The following ACSL5 variants were observed in gnomAD, a reference collection of about 807,000 sequenced individuals.
ACSL5 encodes the protein long-chain-fatty-acid--CoA ligase 5.
In ACSL5, 50 loss-of-function variants were observed where a neutral mutation model predicts 84.9. That is an observed-to-expected ratio of 0.59 (90% CI 0.47 to 0.75). The LOEUF (loss-of-function observed/expected upper bound fraction) is 0.75, where lower values mean the gene tolerates loss of function less well. Ranked by LOEUF, ACSL5 falls within the 30% of genes least tolerant of loss-of-function variation. The pLI, the probability that ACSL5 is intolerant of heterozygous loss-of-function variation, is 0.00. For missense variants in ACSL5, 775 were observed against 830.4 expected, an observed-to-expected ratio of 0.93 and a Z score of 0.82; for synonymous variants, 280 against 300.7, an observed-to-expected ratio of 0.93 and a Z score of 0.71.
intron 1 of ACSL5, among the ~76,000 whole-genome samples, chr10:112,382,480 T>C (rs1431291528): frequency 2.6e-5 from 4 of 152,114 alleles, no homozygotes; most frequent in African/African-American, 7.2e-5. Flanking sequence ...TGTGCATGAG[T>C]GCTCACAGCA....
At chr10:112,397,694 A>G (rs1843778561) in intron 2 of ACSL5, among the ~76,000 whole-genome samples, 1 of 152,200 alleles carries the variant, frequency 6.6e-6, no homozygotes. Flanking sequence ...TTAATACAGA[A>G]CTGGTTGCTT....
chr10:112,411,983 A>C lies in ACSL5; in HGVS notation c.948+4A>C, dbSNP rs538538213. 6.2e-7 allele frequency: 1 copy of C among 1,610,154 alleles called. No individual in the cohort carries two copies. The highest frequency in any genetic ancestry group is 8.5e-7 in the Non-Finnish European group (1 of 1,176,422). On this transcript the variant is annotated splice_donor_region_variant and intron_variant, in intron 11 of 20. Coordinates refer to ENST00000354655, the MANE Select transcript of ACSL5 (RefSeq NM_203379.2). ...TATGTTTGAGAGGATTGTACAGGTGAGTGTTCTGTGTTCCTAGCAGTATGT... is the reference window on the plus strand; with the variant it reads ...TATGTTTGAGAGGATTGTACAGGTGCGTGTTCTGTGTTCCTAGCAGTATGT...
At chr10:112,411,865 C>T in intron 10 of ACSL5, 37 bp from the exon 11 acceptor site, 1 of 1,570,276 alleles carries the variant, frequency 6.4e-7, no homozygotes. Flanking sequence ...TGGCATTAAT[C>T]TCATGTTGCC....
At chr10:112,419,526 T>TA in intron 14 of ACSL5, 1 of 152,192 alleles carries the variant, frequency 6.6e-6, no homozygotes, top group Admixed American at 6.5e-5. Flanking sequence ...GTTTGCATTA[T>TA]AAAACAGTTG....
At position 112,426,243 on chromosome 10, in the gene ACSL5, A is replaced by G. The variant is rs770140469; in HGVS notation, c.1738-15A>G. 1.9e-6 allele frequency: 3 copies of G among 1,608,732 alleles called. No homozygotes were observed. The highest frequency in any genetic ancestry group is 1.7e-5 in the Admixed American group (1 of 59,946). On this transcript the variant is annotated splice_polypyrimidine_tract_variant and intron_variant, in intron 18 of 20. Coordinates refer to ENST00000354655, the MANE Select transcript of ACSL5 (RefSeq NM_203379.2). The stretch of plus-strand genomic sequence containing the variant: ...CTTCTCTCATGCCCTTGCACCTTTT[A>G]TTTCCTTTCCATAGTCATCCTTAGT...
intron 5 of ACSL5, among the ~76,000 whole-genome samples, chr10:112,405,737 A>G (rs1034132117): frequency 6.6e-6 from 1 of 152,218 alleles, no homozygotes; most frequent in Admixed American, 6.5e-5. Flanking sequence ...AACTACTAAT[A>G]GCCTTCCTTT....
intron 1 of ACSL5, among the ~76,000 whole-genome samples, chr10:112,390,097 T>G (rs1849526926): frequency 8.9e-6 from 1 of 112,868 alleles, no homozygotes; most frequent in African/African-American, 3.1e-5. Context: ...AAAATAAAAA[T>G]AAAAAAGAGA....
intron 6 of ACSL5, chr10:112,408,889 C>A (rs1844114317): frequency 1.1e-5 from 2 of 186,904 alleles, no homozygotes; most frequent in Admixed American, 5.4e-5. Flanking sequence ...AAATCCAAGT[C>A]AATACAGTTA....
intron 11 of ACSL5, 43 bp from the exon 12 acceptor site, chr10:112,413,130 G>A: frequency 6.2e-7 from 1 of 1,608,370 alleles, no homozygotes; most frequent in South Asian, 1.1e-5. Context: ...CCCACTAAAG[G>A]GGTTGTTTGC....
chr10:112,385,040 T>C (rs1306649594), intron 1 of ACSL5, among the ~76,000 whole-genome samples: 1 of 152,224 alleles, frequency 6.6e-6, no homozygotes. Flanking sequence ...TGTTTCATTC[T>C]TCTCCTATCA....
chr10:112,425,987 G>C (rs1218687874), intron 18 of ACSL5, among the ~76,000 whole-genome samples: 1 of 152,210 alleles, frequency 6.6e-6, no homozygotes, highest in Non-Finnish European at 1.5e-5. Flanking sequence ...GACAAGGGGA[G>C]AGTTGACATG....
At chr10:112,378,718 G>A (rs1849291675) in intron 1 of ACSL5, among the ~76,000 whole-genome samples, 1 of 152,158 alleles carries the variant, frequency 6.6e-6, no homozygotes, top group Admixed American at 6.5e-5. Context: ...CATGAGTCCA[G>A]CCATCACTGC....
rs950284855 is a variant in ACSL5, at chr10:112,427,568, CTAA to C, written c.*213_*215del. 5.2e-5 allele frequency: 21 copies of C among 403,568 alleles called. No individual in the cohort carries two copies. Among genetic ancestry groups the C allele is most frequent in the African/African-American group, 4.4e-4 (21 of 48,052 alleles). 25.0% of individuals were successfully genotyped at this position (403,568 alleles called of 1,614,324 possible). A position where few individuals can be genotyped will look rare whatever the true frequency, so the allele number is the denominator to read the frequency against. On this transcript the variant is annotated 3_prime_UTR_variant, in exon 21 of 21. Coordinates refer to ENST00000354655, the MANE Select transcript of ACSL5 (RefSeq NM_203379.2). The stretch of plus-strand genomic sequence containing the variant: ...CCTGTCTTTCCCATCTTCGATGTTG[CTAA>C]TATTAAGGCTTCAGGGCTACTTTTA...
At position 112,427,228 on chromosome 10, in the gene ACSL5, T is replaced by G; in HGVS notation, c.1922T>G (p.Ile641Ser). The change falls in exon 21 of 21, where the codon ATT (isoleucine) becomes AGT (serine). Residue 641 changes from isoleucine (I) to serine (S), a missense_variant. Transcript: ENST00000354655. Reference protein sequence around the residue: ...GLKTFEQVKAIFLHPEPFSIE... With the variant: ...GLKTFEQVKASFLHPEPFSIE... ...GTGTTCATCTTCCAGGTCAAAGCCA[T>G]TTTTCTTCATCCAGAGCCATTTTCC... 3 of 1,611,520 alleles carry G rather than the reference T, an allele frequency of 1.9e-6. No individual in the cohort carries two copies. Among genetic ancestry groups the G allele is most frequent in the Non-Finnish European group, 2.5e-6 (3 of 1,179,018 alleles).
intron 1 of ACSL5, among the ~76,000 whole-genome samples, chr10:112,393,967 T>C (rs546162978): frequency 3.9e-5 from 6 of 152,138 alleles, no homozygotes; most frequent in Non-Finnish European, 8.8e-5. Context: ...ATACAGTGAG[T>C]GCTCATGTGT....
chr10:112,387,161 C>G (rs567568062), intron 1 of ACSL5, among the ~76,000 whole-genome samples: 1 of 152,276 alleles, frequency 6.6e-6, no homozygotes, highest in South Asian at 2.1e-4. Flanking sequence ...CCATATGATG[C>G]TTTTCTTTGA....
intron 11 of ACSL5, 50 bp from the exon 12 acceptor site, chr10:112,413,123 A>G (rs535057711): frequency 1.2e-6 from 2 of 1,603,992 alleles, no homozygotes; most frequent in South Asian, 1.1e-5. Context: ...ACAGGTCCCC[A>G]CTAAAGGGGT....
chr10:112,416,864 C>T (rs769996158), intron 12 of ACSL5, 24 bp from the exon 13 acceptor site: 19 of 1,611,392 alleles, frequency 1.2e-5, no homozygotes, highest in Middle Eastern at 1.7e-4. Context: ...AGGTTTCCAA[C>T]TAAAAGGAGC....
At chr10:112,411,001 C>T (rs1844164113) in intron 9 of ACSL5, among the ~76,000 whole-genome samples, 1 of 152,118 alleles carries the variant, frequency 6.6e-6, no homozygotes, top group African/African-American at 2.4e-5. Context: ...CCCCACCCTA[C>T]ATCCACCCAT....
Sources: allele counts gnomAD v4.1 joint callset (sites outside exome capture counted in the v4.1 genomes callset), GRCh38; gene constraint gnomAD v4.1.1; transcripts MANE v1.5; gene names NCBI Gene and HGNC (gene_info 2026-07-23, HGNC 2026-07-21).